The following RAP1GAP2 variants were observed in gnomAD, a reference collection of about 807,000 sequenced individuals.
RAP1GAP2 encodes RAP1 GTPase activating protein 2.
A neutral mutation model predicts 95.0 loss-of-function variants in RAP1GAP2; 27 were observed. The ratio of observed to expected loss-of-function variants is 0.28; its 90% CI spans 0.21 to 0.39. The LOEUF (loss-of-function observed/expected upper bound fraction) is 0.39, where lower values mean the gene tolerates loss of function less well. RAP1GAP2 is among the 10% of genes least tolerant of loss of function. The pLI, the probability that RAP1GAP2 is intolerant of heterozygous loss-of-function variation, is 1.00. For missense variants in RAP1GAP2, 771 were observed against 970.0 expected (o/e 0.79, Z 2.72); for synonymous variants, 373 against 380.9 (o/e 0.98, Z 0.24).
chr17:2,756,362 T>A (rs1027199134), intron 1 of RAP1GAP2, among the ~76,000 whole-genome samples: 1 of 152,210 alleles, frequency 6.6e-6, no homozygotes, highest in African/African-American at 2.4e-5. Flanking sequence ...CCCTCCGCAG[T>A]CCTGGCCCGC....
chr17:2,956,782 G>A lies in RAP1GAP2; in HGVS notation c.166-977G>A, dbSNP rs2044122600. On this transcript the variant is annotated intron_variant, in intron 3 of 24. Coordinates refer to ENST00000254695, the MANE Select transcript of RAP1GAP2 (RefSeq NM_015085.5). ...TTTTTGTTTTTCCTGGATACACAAG[G>A]GTGGCACCAAAGTAGGTCAAAGGTT... Among the ~76,000 whole-genome samples the A allele has an allele frequency of 3.3e-5, 5 of 152,164 alleles. 1 individual carries two copies. In the South Asian group the frequency reaches 1.0e-3, roughly 32 times the overall value.
chr17:2,813,075 C>CA (rs796943738), intron 2 of RAP1GAP2, among the ~76,000 whole-genome samples: 3 of 142,376 alleles, frequency 2.1e-5, no homozygotes, highest in African/African-American at 7.7e-5. Flanking sequence ...AGCATCAGTA[C>CA]TTTTTTTTTT....
At chr17:3,031,562 A>G (rs1009421223) in intron 23 of RAP1GAP2, among the ~76,000 whole-genome samples, 9 of 137,808 alleles carry the variant, frequency 6.5e-5, no homozygotes, top group Non-Finnish European at 1.2e-4. Flanking sequence ...TGAGGTGGGA[A>G]GGGCTGGTTC....
chr17:2,992,856 A>G (rs939504205), intron 12 of RAP1GAP2, among the ~76,000 whole-genome samples: 1 of 151,974 alleles, frequency 6.6e-6, no homozygotes, highest in South Asian at 2.1e-4. Context: ...ATCACTTATT[A>G]GCTCTGTGAC....
At chr17:2,942,335 G>A (rs1239709920) in intron 3 of RAP1GAP2, among the ~76,000 whole-genome samples, 1 of 152,128 alleles carries the variant, frequency 6.6e-6, no homozygotes, top group East Asian at 1.9e-4. Flanking sequence ...TCATCTTCCA[G>A]CTCAGGAACA....
At chr17:2,875,319 G>A (rs556604211) in intron 2 of RAP1GAP2, among the ~76,000 whole-genome samples, 23 of 152,146 alleles carry the variant, frequency 1.5e-4, no homozygotes, top group Non-Finnish European at 2.5e-4. Flanking sequence ...TGCCTGCCTC[G>A]GCCTCCCAAA....
chr17:2,936,465 C>G (rs1040559617), intron 3 of RAP1GAP2, among the ~76,000 whole-genome samples: 1 of 151,854 alleles, frequency 6.6e-6, no homozygotes, highest in Non-Finnish European at 1.5e-5. Flanking sequence ...GACAAACGCA[C>G]TCACCTTCTT....
At chr17:2,893,126 C>T (rs1456564798) in intron 2 of RAP1GAP2, among the ~76,000 whole-genome samples, 1 of 151,994 alleles carries the variant, frequency 6.6e-6, no homozygotes, top group East Asian at 1.9e-4. Flanking sequence ...CTCCCGGGTT[C>T]AAGTGATTCT....
intron 3 of RAP1GAP2, among the ~76,000 whole-genome samples, chr17:2,950,693 C>T (rs1992558): frequency 0.91 from 135,218 of 149,258 alleles, 62,344 homozygotes; most frequent in Non-Finnish European, 1. Flanking sequence ...TCACTGCAAC[C>T]TCTGCCTCCA....
intron 3 of RAP1GAP2, among the ~76,000 whole-genome samples, chr17:2,937,136 C>A (rs2043330594): frequency 6.6e-6 from 1 of 152,014 alleles, no homozygotes; most frequent in South Asian, 2.1e-4. Flanking sequence ...GAGGAGGTGA[C>A]CTCCAAGTTA....
rs140961518 is a variant in RAP1GAP2 at position 2,814,139 on chromosome 17, G to C, written c.80+13589G>C. ...AGAAAAGGGGCAAAGGACACCAAGT[G>C]GGGACCCCAGCTTACTGATTGATTT... On this transcript the variant is annotated intron_variant, in intron 2 of 24. Coordinates refer to ENST00000254695, the MANE Select transcript of RAP1GAP2 (RefSeq NM_015085.5). Among the ~76,000 whole-genome samples, 151 of 152,232 alleles carry C rather than the reference G, an allele frequency of 9.9e-4. 1 individual carries two copies. Among genetic ancestry groups the C allele is most frequent in the Middle Eastern group, 3.4e-3 (1 of 294 alleles).
intron 11 of RAP1GAP2, among the ~76,000 whole-genome samples, chr17:2,987,885 G>A (rs2045609287): frequency 6.6e-6 from 1 of 152,184 alleles, no homozygotes; most frequent in South Asian, 2.1e-4. Flanking sequence ...TGATTGGGTA[G>A]GCTAGAGTGT....
Position 2,963,311 on chromosome 17 carries a change from G to A in RAP1GAP2, c.247-119G>A, listed in dbSNP as rs1049260376. ...GCTGATTCTGAGCTGTTCTTCCATC[G>A]AATGTTCCTCCCTCAAAGCCCCCCC... On this transcript the variant is annotated intron_variant, in intron 5 of 24. Coordinates refer to ENST00000254695, the MANE Select transcript of RAP1GAP2 (RefSeq NM_015085.5). The surrounding 1 kb of genome is among the most constrained non-coding windows in gnomAD (Gnocchi z 4.8). The A allele has an allele frequency of 4.4e-6, 5 of 1,144,902 alleles. No individual in the cohort carries two copies. The highest frequency in any genetic ancestry group is 2.3e-5 in the East Asian group (1 of 42,624). The allele number at this position is 1,144,902 out of a possible 1,614,324, so 70.9% of individuals were successfully genotyped here.
At position 2,870,124 on chromosome 17, in the gene RAP1GAP2, T is replaced by C. The variant is rs2072782418; in HGVS notation, c.81-35160T>C. Among the ~76,000 whole-genome samples the C allele has an allele frequency of 6.6e-6, 1 of 151,766 alleles. No homozygotes were observed. The highest frequency in any genetic ancestry group is 2.4e-5 in the African/African-American group (1 of 41,326). ...CTGTGCTGCTGCTTGACAATCTTTT[T>C]TTTTTTTTTTGGAGATGGAGTCTCG... On this transcript the variant is annotated intron_variant, in intron 2 of 24. Coordinates refer to ENST00000254695, the MANE Select transcript of RAP1GAP2 (RefSeq NM_015085.5). The surrounding 1 kb of genome is among the most constrained non-coding windows in gnomAD (Gnocchi z 4.4).
At chr17:2,908,947 C>T (rs2042284763) in intron 3 of RAP1GAP2, among the ~76,000 whole-genome samples, 1 of 152,046 alleles carries the variant, frequency 6.6e-6, no homozygotes, top group Non-Finnish European at 1.5e-5. Context: ...TTCAAGCCAT[C>T]CTTCCGCCTT....
At chr17:2,934,924 C>T (rs2043256997) in intron 3 of RAP1GAP2, among the ~76,000 whole-genome samples, 1 of 152,168 alleles carries the variant, frequency 6.6e-6, no homozygotes, top group Admixed American at 6.6e-5. Context: ...CCTACCAAAA[C>T]CAACTCGAGT....
At chr17:2,791,756 G>A (rs897178144), upstream of RAP1GAP2, among the ~76,000 whole-genome samples, 3 of 152,078 alleles carry the variant, frequency 2.0e-5, no homozygotes, top group South Asian at 2.1e-4. Context: ...TCCTCTCCCC[G>A]CTGGCTGCTG....
intron 1 of RAP1GAP2, among the ~76,000 whole-genome samples, chr17:2,783,079 T>C (rs923238587): frequency 6.6e-6 from 1 of 152,162 alleles, no homozygotes; most frequent in African/African-American, 2.4e-5. Flanking sequence ...AAGTAGAGGC[T>C]CAGAGAGCCT....
At chr17:3,017,278 T>G (rs1266072632) in intron 17 of RAP1GAP2, among the ~76,000 whole-genome samples, 1 of 152,022 alleles carries the variant, frequency 6.6e-6, no homozygotes, top group Non-Finnish European at 1.5e-5. Flanking sequence ...ACTTCACCAT[T>G]TGCCAGTGTG....
Sources: gnomAD v4.1 joint callset for allele counts (sites outside exome capture counted in the v4.1 genomes callset) on GRCh38, gnomAD v4.1.1 for gene constraint, Gnocchi (gnomAD v3.1) non-coding constraint, MANE v1.5 for transcripts, NCBI Gene and HGNC (gene_info 2026-07-23, HGNC 2026-07-21) for gene names.